The following LRRC27 variants were observed in gnomAD, a reference collection of about 807,000 sequenced individuals.
The protein encoded by LRRC27 is leucine-rich repeat-containing protein 27.
In LRRC27, 57 loss-of-function variants were observed where a neutral mutation model predicts 55.0. That is an observed-to-expected ratio of 1.04 (90% CI 0.84 to 1.29). LRRC27 has a LOEUF of 1.29. Ranked by LOEUF, LRRC27 falls within the 50% of genes most tolerant of loss-of-function variation. The pLI, the probability that LRRC27 is intolerant of heterozygous loss-of-function variation, is 0.00. For missense variants in LRRC27, 721 were observed against 651.5 expected (o/e 1.11, Z -1.16); for synonymous variants, 278 against 251.9 (o/e 1.10, Z -0.98).
chr10:132,366,689 A>G (rs1366698054), intron 10 of LRRC27: 1 of 361,700 alleles, frequency 2.8e-6, no homozygotes, highest in South Asian at 3.7e-5. Flanking sequence ...TCAGTGTACC[A>G]TGCCCGAACA....
intron 2 of LRRC27, among the ~76,000 whole-genome samples, 173 bp downstream of exon 2, chr10:132,333,907 G>A (rs2066977860): frequency 6.6e-6 from 1 of 152,200 alleles, no homozygotes; most frequent in African/African-American, 2.4e-5. Flanking sequence ...AACAAAATGG[G>A]AAATTCATGA....
rs376948924 is a variant in LRRC27, at chr10:132,378,371, A to G, written c.*3129A>G. On this transcript the variant is annotated 3_prime_UTR_variant, in exon 11 of 11. Coordinates refer to ENST00000368614, the MANE Select transcript of LRRC27 (RefSeq NM_030626.3). ...TCAAATCTGGGAGTTAGCATCTTTC[A>G]TCAGTTTTGGAAAATTCTTAGCCAT... The G allele has an allele frequency of 1.3e-5, 2 of 149,140 alleles. No homozygotes were observed. The highest frequency in any genetic ancestry group is 3.9e-4 in the East Asian group (2 of 5,146). 9.2% of individuals were successfully genotyped at this position (149,140 alleles called of 1,614,324 possible).
intron 10 of LRRC27, among the ~76,000 whole-genome samples, chr10:132,371,954 G>A (rs1049088403): frequency 2.0e-5 from 3 of 152,198 alleles, no homozygotes; most frequent in South Asian, 2.1e-4. Context: ...CCTTGTCCTC[G>A]CACATATGGA....
chr10:132,331,180 G>A (rs1025945196), upstream of LRRC27, among the ~76,000 whole-genome samples: 17 of 105,046 alleles, frequency 1.6e-4, no homozygotes, highest in Non-Finnish European at 2.7e-4. Flanking sequence ...CAGCCTGGGA[G>A]ACAAAGCAAG....
chr10:132,338,997 C>G (rs909018398), intron 3 of LRRC27, among the ~76,000 whole-genome samples: 12 of 152,110 alleles, frequency 7.9e-5, no homozygotes, highest in Non-Finnish European at 1.3e-4. Flanking sequence ...GGCATGAGCC[C>G]CCGCGCCCGG....
intron 4 of LRRC27, among the ~76,000 whole-genome samples, chr10:132,343,341 A>C (rs531706387): frequency 4.6e-5 from 7 of 152,284 alleles, no homozygotes; most frequent in Admixed American, 6.5e-5. Context: ...ACAACAACAA[A>C]AAACAAAAAT....
chr10:132,333,813 T>A (rs764211202), intron 2 of LRRC27, 79 bp downstream of exon 2: 38 of 1,069,574 alleles, frequency 3.6e-5, no homozygotes, highest in Non-Finnish European at 5.0e-5. Flanking sequence ...TGGGCTTTAT[T>A]TGTAGGCTTC....
chr10:132,336,938 T>C (rs1389812504), intron 2 of LRRC27: 10 of 628,852 alleles, frequency 1.6e-5, no homozygotes, highest in Non-Finnish European at 2.4e-5. Context: ...TTTACACAGC[T>C]AAAATCAGCG....
chr10:132,336,543 G>T (rs1253207880), intron 2 of LRRC27, among the ~76,000 whole-genome samples: 1 of 152,218 alleles, frequency 6.6e-6, no homozygotes, highest in African/African-American at 2.4e-5. Flanking sequence ...GAATGGGGAG[G>T]CATGTGGTGC....
chr10:132,353,071 G>A (rs1158636658), intron 7 of LRRC27: 1 of 1,530,908 alleles, frequency 6.5e-7, no homozygotes, highest in Non-Finnish European at 8.8e-7. Flanking sequence ...CCCTCCCTGG[G>A]CCCCAGGAGT....
chr10:132,336,390 C>T (rs2067135160), intron 2 of LRRC27, among the ~76,000 whole-genome samples: 1 of 152,214 alleles, frequency 6.6e-6, no homozygotes. Context: ...AGCCAGCTGC[C>T]AGCAAGCAGT....
In LRRC27 at chr10:132,364,407, C is replaced by CCACGCCCACAATTACACCCACCCACACT. The variant is rs2068836648; in HGVS notation, c.1290-1014_1290-1013insGCCCACAATTACACCCACCCACACTCAC. Among the ~76,000 whole-genome samples the CCACGCCCACAATTACACCCACCCACACT allele has an allele frequency of 3.8e-5, 2 of 52,718 alleles. 1 individual carries two copies. The highest frequency in any genetic ancestry group is 8.4e-5 in the Non-Finnish European group (2 of 23,692). 34.6% of individuals were successfully genotyped at this position (52,718 alleles called of 152,430 possible). ...CTTACACCCACCCTTACATCTACCT[C>CCACGCCCACAATTACACCCACCCACACT]CACACCCGCGCTTACACCCACGCTT... On this transcript the variant is annotated intron_variant, in intron 9 of 10. Coordinates refer to ENST00000368614, the MANE Select transcript of LRRC27 (RefSeq NM_030626.3).
chr10:132,331,846 G>C (rs750554970), upstream of LRRC27: 2 of 1,473,934 alleles, frequency 1.4e-6, no homozygotes, highest in Non-Finnish European at 1.8e-6. Context: ...GCGGAAAAAC[G>C]GATGCTACCG....
intron 3 of LRRC27, 108 bp downstream of exon 3, chr10:132,337,803 G>C: frequency 1.5e-6 from 2 of 1,317,172 alleles, no homozygotes; most frequent in Non-Finnish European, 2.1e-6. Context: ...CCTCGGAATA[G>C]AAACATTTAA....
upstream of LRRC27, chr10:132,330,175 G>A (rs986191646): frequency 1.6e-5 from 7 of 442,324 alleles, no homozygotes; most frequent in Non-Finnish European, 2.9e-5. Flanking sequence ...GCACAGTAAA[G>A]GGCAAAACAT....
intron 3 of LRRC27, 55 bp downstream of exon 3, chr10:132,337,750 C>T: frequency 6.3e-7 from 1 of 1,590,300 alleles, no homozygotes; most frequent in South Asian, 1.1e-5. Flanking sequence ...GCACGAGTGC[C>T]TGTTCTTTCG....
intron 2 of LRRC27, among the ~76,000 whole-genome samples, chr10:132,336,143 T>C (rs879930789): frequency 5.9e-5 from 9 of 152,206 alleles, no homozygotes; most frequent in Admixed American, 4.6e-4. Context: ...AAGAGTGTTA[T>C]CTTTCTGAGA....
chr10:132,354,889 G>C (rs181904250), intron 7 of LRRC27, among the ~76,000 whole-genome samples: 247 of 152,296 alleles, frequency 1.6e-3, no homozygotes, highest in African/African-American at 5.5e-3. Context: ...CCTTCCGGGG[G>C]TGGAGCCCTG....
intron 4 of LRRC27, among the ~76,000 whole-genome samples, chr10:132,342,740 A>G (rs2067477710): frequency 6.6e-6 from 1 of 152,228 alleles, no homozygotes; most frequent in African/African-American, 2.4e-5. Context: ...AAGTTTTATG[A>G]CCTTTAAAAT....
Sources: gnomAD v4.1 joint callset for allele counts (sites outside exome capture counted in the v4.1 genomes callset) on GRCh38, gnomAD v4.1.1 for gene constraint, MANE v1.5 for transcripts, NCBI Gene and HGNC (gene_info 2026-07-23, HGNC 2026-07-21) for gene names.